SPTSSA: variants seen among roughly 807,000 people sequenced by gnomAD.
The protein encoded by SPTSSA is small subunit of serine palmitoyltransferase A.
SPTSSA carries 8 observed loss-of-function variants against 9.1 expected under a neutral mutation model. The observed-to-expected ratio is 0.88, with a 90% CI of 0.51 to 1.58. The LOEUF is 1.58. SPTSSA is among the 40% of genes most tolerant of loss of function. The pLI is 0.00. For synonymous variants in SPTSSA, 42 were observed against 37.7 expected (o/e 1.11, Z -0.41); for missense variants, 100 against 93.8 (o/e 1.07, Z -0.27).
At chr14:34,451,233 T>C (rs1450145328) in intron 1 of SPTSSA, among the ~76,000 whole-genome samples, 3 of 152,170 alleles carry the variant, frequency 2.0e-5, no homozygotes, top group Non-Finnish European at 4.4e-5. Flanking sequence ...TTAAAGGTAG[T>C]TTCTCACCGG....
intron 1 of SPTSSA, among the ~76,000 whole-genome samples, chr14:34,445,243 C>T (rs1271919590): frequency 3.3e-5 from 5 of 151,944 alleles, no homozygotes; most frequent in Non-Finnish European, 7.4e-5. Context: ...GGGCTCATGC[C>T]TGTAATCCCA....
chr14:34,459,454 G>A (rs1024728487), intron 1 of SPTSSA, among the ~76,000 whole-genome samples: 11 of 132,404 alleles, frequency 8.3e-5, no homozygotes, highest in African/African-American at 2.4e-4. Context: ...GCGAGACACC[G>A]TCTCAAAAAA....
At chr14:34,445,521 T>C (rs1289785494) in intron 1 of SPTSSA, among the ~76,000 whole-genome samples, 2 of 152,008 alleles carry the variant, frequency 1.3e-5, no homozygotes, top group Admixed American at 1.3e-4. Context: ...ATAAATAAAA[T>C]AAAATAAAAT....
At chr14:34,456,974 C>CTAT (rs908132086) in intron 1 of SPTSSA, among the ~76,000 whole-genome samples, 111 of 102,042 alleles carry the variant, frequency 1.1e-3, no homozygotes, top group African/African-American at 4.0e-3. Flanking sequence ...ATTATTATTA[C>CTAT]TATTATTATT....
chr14:34,438,212 T>G lies in SPTSSA; in HGVS notation c.113-2908A>C, dbSNP rs547765713. ...CATCGTTTTGTCTTGGGCCCCATAT[T>G]CCCTCATAACTTAAACAACTACAGG... On this transcript the variant is annotated intron_variant, in intron 1 of 1. Coordinates refer to ENST00000298130, the MANE Select transcript of SPTSSA (RefSeq NM_138288.4). Among the ~76,000 whole-genome samples, 3 of 152,274 alleles carry G rather than the reference T, an allele frequency of 2.0e-5. No homozygotes were observed. In the East Asian group the frequency reaches 5.8e-4, roughly 29 times the overall value.
At chr14:34,462,039 G>T (rs1373640024) in intron 1 of SPTSSA, 57 bp downstream of exon 1, 2 of 1,187,248 alleles carry the variant, frequency 1.7e-6, no homozygotes, top group Non-Finnish European at 2.1e-6. Flanking sequence ...GGGGAAATGC[G>T]GCCCCGCGGC....
At chr14:34,457,564 G>C (rs1476089490) in intron 1 of SPTSSA, among the ~76,000 whole-genome samples, 1 of 152,138 alleles carries the variant, frequency 6.6e-6, no homozygotes, top group African/African-American at 2.4e-5. Flanking sequence ...CTTAATGCAG[G>C]TGTCATGTCC....
intron 1 of SPTSSA, among the ~76,000 whole-genome samples, chr14:34,444,751 C>CAAA (rs34773522): frequency 2.2e-5 from 3 of 135,556 alleles, no homozygotes; most frequent in African/African-American, 2.6e-5. Flanking sequence ...GACTCTGCCT[C>CAAA]AAAAAAAAAA....
At chr14:34,456,207 A>G (rs1318292478) in intron 1 of SPTSSA, among the ~76,000 whole-genome samples, 1 of 151,998 alleles carries the variant, frequency 6.6e-6, no homozygotes, top group Non-Finnish European at 1.5e-5. Flanking sequence ...CTGTTATCCC[A>G]GCTACTTGGG....
At chr14:34,443,198 G>GT (rs1555314387) in intron 1 of SPTSSA, among the ~76,000 whole-genome samples, 286 of 11,468 alleles carry the variant, frequency 0.025, 55 homozygotes, top group Non-Finnish European at 0.035. Flanking sequence ...TCCTCTAGGG[G>GT]GTGTGTGTGT....
At chr14:34,443,171 G>GTGTGTGTGTGTGT (rs775781106) in intron 1 of SPTSSA, among the ~76,000 whole-genome samples, 2 of 62,090 alleles carry the variant, frequency 3.2e-5, no homozygotes, top group Non-Finnish European at 5.2e-5. Context: ...GTGTGTGTGT[G>GTGTGTGTGTGTGT]TTTTGAGATT....
At chr14:34,460,059 G>A (rs1878586100) in intron 1 of SPTSSA, among the ~76,000 whole-genome samples, 1 of 152,022 alleles carries the variant, frequency 6.6e-6, no homozygotes, top group Non-Finnish European at 1.5e-5. Flanking sequence ...GACAAGTAGG[G>A]AAAAAAATCC....
intron 1 of SPTSSA, among the ~76,000 whole-genome samples, chr14:34,435,910 G>A (rs1191977579): frequency 3.3e-5 from 5 of 152,070 alleles, no homozygotes; most frequent in East Asian, 1.9e-4. Flanking sequence ...GATTACAGGC[G>A]TGAGCCACTG....
chr14:34,450,469 G>C (rs1355545647), intron 1 of SPTSSA, among the ~76,000 whole-genome samples: 1 of 152,138 alleles, frequency 6.6e-6, no homozygotes, highest in Non-Finnish European at 1.5e-5. Flanking sequence ...ACATATATTG[G>C]AAGGTAATAT....
intron 1 of SPTSSA, among the ~76,000 whole-genome samples, chr14:34,444,407 C>T (rs893929207): frequency 1.3e-5 from 2 of 152,160 alleles, no homozygotes; most frequent in Non-Finnish European, 2.9e-5. Context: ...ATGCTAGAAA[C>T]AGTCAAACCT....
chr14:34,450,132 G>A (rs112039791), intron 1 of SPTSSA, among the ~76,000 whole-genome samples: 3 of 152,114 alleles, frequency 2.0e-5, no homozygotes, highest in African/African-American at 4.8e-5. Flanking sequence ...ATTCAGAATC[G>A]AACCTATTCT....
At chr14:34,454,210 C>T (rs1883574086) in intron 1 of SPTSSA, among the ~76,000 whole-genome samples, 1 of 152,100 alleles carries the variant, frequency 6.6e-6, no homozygotes, top group Non-Finnish European at 1.5e-5. Flanking sequence ...TCTATCTTAG[C>T]TCCTATGTGC....
intron 1 of SPTSSA, among the ~76,000 whole-genome samples, chr14:34,457,566 G>T (rs951892656): frequency 1.3e-5 from 2 of 152,152 alleles, no homozygotes; most frequent in African/African-American, 4.8e-5. Context: ...TAATGCAGGT[G>T]TCATGTCCCA....
intron 1 of SPTSSA, among the ~76,000 whole-genome samples, chr14:34,442,983 TGAGATGGAGTTTCCCTCTAGGG>T (rs2042126054): frequency 1.7e-4 from 25 of 148,172 alleles, no homozygotes; most frequent in South Asian, 4.3e-4. Context: ...TGTGTGTGTG[TGAGATGGAGTTTCCCTCTAGGG>T]GTGTGTGTGT....
Sources: gnomAD v4.1 joint callset for allele counts (sites outside exome capture counted in the v4.1 genomes callset) on GRCh38, gnomAD v4.1.1 for gene constraint, MANE v1.5 for transcripts, NCBI Gene and HGNC (gene_info 2026-07-23, HGNC 2026-07-21) for gene names.